CAST: variants seen among roughly 807,000 people sequenced by gnomAD.
The protein encoded by CAST is calpastatin, also known as MIR583 host.
CAST carries 76 observed loss-of-function variants against 119.6 expected under a neutral mutation model. The ratio of observed to expected loss-of-function variants is 0.64; its 90% CI spans 0.53 to 0.77. The LOEUF (loss-of-function observed/expected upper bound fraction) is 0.77, where lower values mean the gene tolerates loss of function less well. Ranked by LOEUF, CAST falls within the 30% of genes least tolerant of loss-of-function variation. The pLI, the probability that CAST is intolerant of heterozygous loss-of-function variation, is 0.00. For synonymous variants in CAST, 319 were observed against 331.6 expected (o/e 0.96, Z 0.41); for missense variants, 953 against 946.5 (o/e 1.01, Z -0.09).
intron 1 of CAST, among the ~76,000 whole-genome samples, chr5:96,568,224 C>G (rs996896310): frequency 6.6e-6 from 1 of 152,140 alleles, no homozygotes; most frequent in African/African-American, 2.4e-5. Flanking sequence ...GACTCTCAAA[C>G]TGTCATACAT....
intron 1 of CAST, among the ~76,000 whole-genome samples, chr5:96,671,791 C>T (rs149862439): frequency 2.2e-3 from 341 of 152,346 alleles, no homozygotes; most frequent in African/African-American, 7.9e-3. Context: ...TAGTAGTGGT[C>T]AGCAGAGTTT....
the CAST span, among the ~76,000 whole-genome samples, chr5:96,352,270 C>G: frequency 3.9e-5 from 6 of 152,226 alleles, no homozygotes; most frequent in African/African-American, 1.4e-4. Flanking sequence ...GATGGGAAAA[C>G]GTCTGGTGAG....
At chr5:96,567,804 T>A (rs1287242828) in intron 1 of CAST, among the ~76,000 whole-genome samples, 2 of 152,116 alleles carry the variant, frequency 1.3e-5, no homozygotes, top group African/African-American at 4.8e-5. Context: ...CACCTGGACA[T>A]TTAGAGCTTG....
chr5:96,359,586 T>A, the CAST span, among the ~76,000 whole-genome samples: 2 of 152,240 alleles, frequency 1.3e-5, no homozygotes, highest in Non-Finnish European at 2.9e-5. Context: ...TTTCCTTTGC[T>A]TGTGAAACTT....
chr5:96,707,655 A>C (rs1755287004), intron 3 of CAST, among the ~76,000 whole-genome samples: 1 of 152,098 alleles, frequency 6.6e-6, no homozygotes, highest in Admixed American at 6.5e-5. Flanking sequence ...AAGGTCTCTA[A>C]TGAACTAAAC....
the CAST span, among the ~76,000 whole-genome samples, chr5:96,411,762 A>G: frequency 6.6e-6 from 1 of 152,244 alleles, no homozygotes; most frequent in African/African-American, 2.4e-5. Flanking sequence ...GCTAAAAGTA[A>G]TAAATTTCCA....
chr5:96,521,409 C>T (rs749100067), upstream of CAST, among the ~76,000 whole-genome samples: 17 of 152,192 alleles, frequency 1.1e-4, no homozygotes, highest in Admixed American at 3.3e-4. Context: ...CAAACTCTTT[C>T]TCACGTTCCC....
chr5:96,217,474 G>A, the CAST span, among the ~76,000 whole-genome samples: 1 of 152,178 alleles, frequency 6.6e-6, no homozygotes, highest in South Asian at 2.1e-4. Flanking sequence ...ACCATTTGGT[G>A]CCGCTCCCTT....
At chr5:96,418,809 G>A in the CAST span, among the ~76,000 whole-genome samples, 1 of 152,170 alleles carries the variant, frequency 6.6e-6, no homozygotes, top group African/African-American at 2.4e-5. Flanking sequence ...AGGATCCTGA[G>A]AGAGAGTTGC....
intron 2 of CAST, 112 bp downstream of exon 2, chr5:96,675,713 GA>G (rs1386946972): frequency 1.4e-6 from 1 of 729,308 alleles, no homozygotes; most frequent in African/African-American, 1.8e-5. Context: ...TTAATATTGG[GA>G]AATTTTGATT....
At chr5:96,636,685 G>A (rs1444728207) in intron 1 of CAST, among the ~76,000 whole-genome samples, 1 of 152,160 alleles carries the variant, frequency 6.6e-6, no homozygotes, top group African/African-American at 2.4e-5. Context: ...ATGAATGAAA[G>A]GTTGAGTAGC....
At chr5:96,763,010 A>G in intron 25 of CAST, 1 of 667,982 alleles carries the variant, frequency 1.5e-6, no homozygotes, top group East Asian at 2.7e-5. Flanking sequence ...ATACATTACC[A>G]AGGAGACCAC....
chr5:96,036,875 A>C, the CAST span, among the ~76,000 whole-genome samples: 1 of 152,180 alleles, frequency 6.6e-6, no homozygotes, highest in Admixed American at 6.6e-5. Context: ...CAAAACAAAT[A>C]TGTATTAATG....
the CAST span, among the ~76,000 whole-genome samples, chr5:96,039,716 T>G: frequency 2.0e-5 from 3 of 152,196 alleles, no homozygotes; most frequent in Non-Finnish European, 4.4e-5. Context: ...GCCTCTATTC[T>G]GTTCCATTGG....
rs1371282138 is a variant in CAST at position 96,773,561 on chromosome 5, G to A, written c.*945G>A. The A allele has an allele frequency of 6.6e-6, 1 of 151,838 alleles. No individual in the cohort carries two copies. Among genetic ancestry groups the A allele is most frequent in the South Asian group, 2.1e-4 (1 of 4,808 alleles). The allele number at this position is 151,838 out of a possible 1,614,324, so 9.4% of individuals were successfully genotyped here. A position where few individuals can be genotyped will look rare whatever the true frequency, so the allele number is the denominator to read the frequency against. On this transcript the variant is annotated 3_prime_UTR_variant, in exon 32 of 32. Coordinates refer to ENST00000675179, the MANE Select transcript of CAST (RefSeq NM_001750.7). ...TAGCGTCTGGCTTTATGGAACTTAA[G>A]TTTACCAAATATAAAAAGAAACTTC...
the CAST span, among the ~76,000 whole-genome samples, chr5:96,013,736 A>G: frequency 6.6e-6 from 1 of 152,170 alleles, no homozygotes; most frequent in Non-Finnish European, 1.5e-5. Flanking sequence ...AAATTATAAT[A>G]CAATGGTAGG....
intron 1 of CAST, among the ~76,000 whole-genome samples, chr5:96,609,271 CCT>C (rs1747317262): frequency 2.0e-5 from 3 of 152,154 alleles, no homozygotes; most frequent in Non-Finnish European, 2.9e-5. Context: ...TTTTAGAGAG[CCT>C]CTCTCTGTTA....
intron 1 of CAST, among the ~76,000 whole-genome samples, chr5:96,537,199 C>G (rs1426133877): frequency 6.6e-6 from 1 of 152,236 alleles, no homozygotes; most frequent in Non-Finnish European, 1.5e-5. Context: ...GTCCCATATC[C>G]TCTTCACCCA....
At chr5:96,238,352 CA>C in the CAST span, among the ~76,000 whole-genome samples, 129 of 84,262 alleles carry the variant, frequency 1.5e-3, no homozygotes, top group Middle Eastern at 6.8e-3. Context: ...TCTTCATCTT[CA>C]TCTTCTTCTT....
Sources: gnomAD v4.1 joint callset for allele counts (sites outside exome capture counted in the v4.1 genomes callset) on GRCh38, gnomAD v4.1.1 for gene constraint, MANE v1.5 for transcripts, NCBI Gene and HGNC (gene_info 2026-07-23, HGNC 2026-07-21) for gene names.